The following PIEZO2 variants were observed in gnomAD, a reference collection of about 807,000 sequenced individuals.
PIEZO2 encodes the protein piezo-type mechanosensitive ion channel component 2.
Under a neutral mutation model 337.3 loss-of-function variants are expected in PIEZO2, and 172 were observed. The ratio of observed to expected loss-of-function variants is 0.51; its 90% CI spans 0.45 to 0.58. The LOEUF is 0.58. PIEZO2 is among the 20% of genes least tolerant of loss of function. The pLI is 0.00. For missense variants in PIEZO2, 3,028 were observed against 3,391.3 expected, an observed-to-expected ratio of 0.89 and a Z score of 2.66; for synonymous variants, 1,251 against 1,228.5, an observed-to-expected ratio of 1.02 and a Z score of -0.38.
intron 43 of PIEZO2, 69 bp downstream of exon 43, chr18:10,701,920 G>A (rs2035355541): frequency 7.4e-7 from 1 of 1,343,700 alleles, no homozygotes. Flanking sequence ...AGGTTATCTA[G>A]GAAGATTACG....
intron 12 of PIEZO2, among the ~76,000 whole-genome samples, chr18:10,796,140 G>A (rs936697348): frequency 5.3e-5 from 8 of 151,850 alleles, no homozygotes; most frequent in Admixed American, 2.0e-4. Flanking sequence ...CGAGGCGGGC[G>A]GATCATGAGG....
intron 2 of PIEZO2, among the ~76,000 whole-genome samples, chr18:11,060,978 C>G (rs751538492): frequency 6.6e-6 from 1 of 152,164 alleles, no homozygotes; most frequent in Non-Finnish European, 1.5e-5. Flanking sequence ...GACCAATATC[C>G]CTGATGAATA....
rs186969389 is a variant in PIEZO2, at chr18:10,876,484, A to G, written c.330-5069T>C. Among the ~76,000 whole-genome samples the G allele has an allele frequency of 1.4e-4, 22 of 152,326 alleles. No homozygotes were observed. The East Asian group carries it at 4.2e-3, about 29-fold the overall frequency. The stretch of plus-strand genomic sequence containing the variant: ...AATAATTTGGAAACTATACTAATGT[A>G]CATAATTATACACCTACCTTCTCTA... On this transcript the variant is annotated intron_variant, in intron 4 of 55. Transcript: ENST00000674853.
chr18:10,786,950 T>G, intron 16 of PIEZO2, 86 bp downstream of exon 16: 1 of 1,282,956 alleles, frequency 7.8e-7, no homozygotes, highest in Non-Finnish European at 1.1e-6. Context: ...ACATCATGCT[T>G]TACTAAAATC....
chr18:11,088,494 T>G (rs1853107712), intron 1 of PIEZO2, among the ~76,000 whole-genome samples: 1 of 152,088 alleles, frequency 6.6e-6, no homozygotes, highest in Non-Finnish European at 1.5e-5. Context: ...TTGAATTGTA[T>G]TGATCAGTTT....
intron 2 of PIEZO2, among the ~76,000 whole-genome samples, chr18:11,059,566 A>G (rs1416140147): frequency 6.6e-6 from 1 of 152,222 alleles, no homozygotes; most frequent in African/African-American, 2.4e-5. Context: ...AGGAAGATCT[A>G]TCATGCAAAT....
At position 10,988,632 on chromosome 18, in the gene PIEZO2, A is replaced by G. The variant is rs1467888938; in HGVS notation, c.161-8972T>C. On this transcript the variant is annotated intron_variant, in intron 2 of 55. Coordinates refer to ENST00000674853, the MANE Select transcript of PIEZO2 (RefSeq NM_001378183.1). This position sits in a 1 kb window ranked among gnomAD's most constrained non-coding sequence, Gnocchi z 4.8. The stretch of plus-strand genomic sequence containing the variant: ...ATGTCAAAAACCTATCTGCACACCC[A>G]TGTTTACTACAGCATTATGCAAAAC... Among the ~76,000 whole-genome samples, 1 of 152,188 alleles carries G rather than the reference A, an allele frequency of 6.6e-6. No homozygotes were observed.
At chr18:10,836,891 T>C (rs770082923) in intron 7 of PIEZO2, among the ~76,000 whole-genome samples, 2 of 152,206 alleles carry the variant, frequency 1.3e-5, no homozygotes, top group Non-Finnish European at 2.9e-5. Context: ...TACAACATTG[T>C]TTTATGTTCC....
At chr18:11,141,095 G>A (rs969055715) in intron 1 of PIEZO2, among the ~76,000 whole-genome samples, 4 of 152,188 alleles carry the variant, frequency 2.6e-5, no homozygotes, top group African/African-American at 9.7e-5. Flanking sequence ...ACTATCAGGG[G>A]AGACAGACTA....
At chr18:10,858,321 C>CAAAAAAAAA (rs11361243) in intron 5 of PIEZO2, among the ~76,000 whole-genome samples, 157 of 56,244 alleles carry the variant, frequency 2.8e-3, no homozygotes, top group Middle Eastern at 0.014. Context: ...GACTTCAACC[C>CAAAAAAAAA]AAAAAAAAAA....
rs1292548199 is a variant in PIEZO2 at position 11,149,293 on chromosome 18, G to A, written c.-705C>T. On this transcript the variant is annotated 5_prime_UTR_variant, in exon 1 of 56. Transcript: ENST00000674853. The surrounding 1 kb of genome is among the most constrained non-coding windows in gnomAD (Gnocchi z 8.7). ...CTGCCAGGCGCGCAGAACCATCCCC[G>A]CCACCACGGGGCTCGCCTTGTGGGT... Among the ~76,000 whole-genome samples, 1 of 151,990 alleles carries A rather than the reference G, an allele frequency of 6.6e-6. No homozygotes were observed. Among genetic ancestry groups the A allele is most frequent in the Non-Finnish European group, 1.5e-5 (1 of 67,968 alleles).
chr18:11,007,872 C>G (rs1335334443), intron 2 of PIEZO2, among the ~76,000 whole-genome samples: 2 of 152,118 alleles, frequency 1.3e-5, no homozygotes, highest in African/African-American at 4.8e-5. Context: ...AAAAGTTCTT[C>G]AGGAAGGAAA....
intron 2 of PIEZO2, among the ~76,000 whole-genome samples, chr18:11,050,720 G>A (rs1408421424): frequency 6.6e-6 from 1 of 151,864 alleles, no homozygotes; most frequent in African/African-American, 2.4e-5. Flanking sequence ...TGTCACCAAA[G>A]CACAGTAAGC....
rs563974892 is a variant in PIEZO2, at chr18:10,936,024, G to C, written c.287-24796C>G. On this transcript the variant is annotated intron_variant, in intron 3 of 55. Transcript: ENST00000674853. The stretch of plus-strand genomic sequence containing the variant: ...ACTCTCTTTTCTACACAGGGTCACA[G>C]GTTGGTATCTTTGGAGATGTCTTGG... Among the ~76,000 whole-genome samples, 6 of 152,320 alleles carry C rather than the reference G, an allele frequency of 3.9e-5. No homozygotes were observed. In the East Asian group the frequency reaches 1.2e-3, roughly 29 times the overall value.
chr18:10,991,312 T>C (rs771442774), intron 2 of PIEZO2, among the ~76,000 whole-genome samples: 3 of 151,970 alleles, frequency 2.0e-5, no homozygotes, highest in Non-Finnish European at 4.4e-5. Flanking sequence ...ACATGTGCCA[T>C]GGTGGTTTGC....
rs2036783585 is a variant in PIEZO2 at position 10,731,454 on chromosome 18, C to CT, written c.4981dup (p.Arg1661LysfsTer27). On this transcript the variant is annotated frameshift_variant, in exon 36 of 56. Transcript: ENST00000674853. LOFTEE classifies it high-confidence loss of function. The stretch of plus-strand genomic sequence containing the variant: ...TCGTTTCCGTTCTTCTCTTGCAGAC[C>CT]TTTTTTTCTCTTTGTGTCTTTGTCG... 4 of 1,534,638 alleles carry CT rather than the reference C, an allele frequency of 2.6e-6. No individual in the cohort carries two copies. Among genetic ancestry groups the CT allele is most frequent in the Non-Finnish European group, 3.5e-6 (4 of 1,145,624 alleles).
chr18:10,804,470 C>T (rs1178254240), intron 8 of PIEZO2, among the ~76,000 whole-genome samples: 1 of 152,216 alleles, frequency 6.6e-6, no homozygotes, highest in African/African-American at 2.4e-5. Flanking sequence ...AATTAGACAA[C>T]TGGTCTAGGA....
chr18:11,081,878 G>C (rs1303347878), intron 1 of PIEZO2, among the ~76,000 whole-genome samples: 1 of 151,662 alleles, frequency 6.6e-6, no homozygotes, highest in Non-Finnish European at 1.5e-5. Context: ...TCCTGTCTCA[G>C]CCTCCCGAGT....
Position 10,794,786 on chromosome 18 carries a change from C to G in PIEZO2, c.1744G>C (p.Glu582Gln). 6.5e-7 allele frequency: 1 copy of G among 1,532,428 alleles called. No individual in the cohort carries two copies. The highest frequency in any genetic ancestry group is 8.7e-7 in the Non-Finnish European group (1 of 1,144,216). 94.9% of individuals were successfully genotyped at this position (1,532,428 alleles called of 1,614,324 possible). A position where few individuals can be genotyped will look rare whatever the true frequency, so the allele number is the denominator to read the frequency against. Reference protein sequence around the residue: ...PGFLEKKEPGELASKILFTIT... With the variant: ...PGFLEKKEPGQLASKILFTIT... The stretch of plus-strand genomic sequence containing the variant: ...TATTCACTTACTTTGGAAGCAAGTT[C>G]TCCTGGCTCTTTCTTTTCTAAAAAT... The change falls in exon 13 of 56, where the codon GAA becomes CAA. Residue 582 changes from glutamate (E) to glutamine (Q), a missense_variant. Transcript: ENST00000674853. This position sits in a 1 kb window ranked among gnomAD's most constrained non-coding sequence, Gnocchi z 6.6.
Sources: gnomAD v4.1 joint callset for allele counts (sites outside exome capture counted in the v4.1 genomes callset) on GRCh38, gnomAD v4.1.1 for gene constraint, Gnocchi (gnomAD v3.1) non-coding constraint, MANE v1.5 for transcripts, NCBI Gene and HGNC (gene_info 2026-07-23, HGNC 2026-07-21) for gene names.